Variants in CAPN1 observed in about 807,000 individuals in gnomAD.
CAPN1 encodes calpain-1 catalytic subunit.
CAPN1 carries 77 observed loss-of-function variants against 105.2 expected under a neutral mutation model. The ratio of observed to expected loss-of-function variants is 0.73; its 90% CI spans 0.61 to 0.88. The LOEUF is 0.88. Ranked by LOEUF, CAPN1 falls within the 40% of genes least tolerant of loss-of-function variation. The pLI, the probability that CAPN1 is intolerant of heterozygous loss-of-function variation, is 0.00. For synonymous variants in CAPN1, 355 were observed against 388.8 expected (o/e 0.91, Z 1.02); for missense variants, 833 against 976.6 (o/e 0.85, Z 1.96).
chr11:65,208,130 G>A lies in CAPN1; in HGVS notation c.1671+10G>A. 1 of 1,606,266 alleles carries A rather than the reference G, an allele frequency of 6.2e-7. No homozygotes were observed. Reference sequence around the variant, plus strand: ...GCAGCTGGCAGGGGAGGTAGGTTGGGGCATGGCAGGTTGGGAGGGGCCTGT... The same window carrying A: ...GCAGCTGGCAGGGGAGGTAGGTTGGAGCATGGCAGGTTGGGAGGGGCCTGT... On this transcript the variant is annotated intron_variant, in intron 15 of 21. Transcript: ENST00000279247. This position sits in a 1 kb window ranked among gnomAD's most constrained non-coding sequence, Gnocchi z 4.1.
chr11:65,186,935 C>T (rs866893272), intron 6 of CAPN1, among the ~76,000 whole-genome samples: 1 of 152,192 alleles, frequency 6.6e-6, no homozygotes, highest in South Asian at 2.1e-4. Flanking sequence ...CATGCATGTT[C>T]GCACAGGTTC....
At chr11:65,195,362 G>A (rs1948779463) in intron 10 of CAPN1, among the ~76,000 whole-genome samples, 2 of 152,076 alleles carry the variant, frequency 1.3e-5, no homozygotes, top group Admixed American at 6.6e-5. Context: ...TCCTGACCTC[G>A]TGATCTGCCC....
At chr11:65,197,471 T>A (rs1407916104) in intron 10 of CAPN1, among the ~76,000 whole-genome samples, 1 of 152,106 alleles carries the variant, frequency 6.6e-6, no homozygotes, top group Non-Finnish European at 1.5e-5. Flanking sequence ...AATTCAGGGT[T>A]TTTTTTTGTT....
chr11:65,181,887 G>T (rs1290951523), upstream of CAPN1: 1 of 167,428 alleles, frequency 6.0e-6, no homozygotes, highest in Non-Finnish European at 1.3e-5. This position sits in a 1 kb window ranked among gnomAD's most constrained non-coding sequence, Gnocchi z 4.6. Context: ...GAGAGGGAGG[G>T]CGGAGGGCGG....
rs568249496 is a variant in CAPN1, at chr11:65,211,726, C to T, written c.*440C>T. ...AGGCGTGTGGAGCCGCCTCCCGGCT[C>T]GGGGAGGCCCCGGGGCTGGGAACGC... On this transcript the variant is annotated 3_prime_UTR_variant, in exon 22 of 22. Coordinates refer to ENST00000279247, the MANE Select transcript of CAPN1 (RefSeq NM_005186.4). 25 of 172,822 alleles carry T rather than the reference C, an allele frequency of 1.4e-4. No homozygotes were observed. In the South Asian group the frequency reaches 2.8e-3, roughly 19 times the overall value. 10.7% of individuals were successfully genotyped at this position (172,822 alleles called of 1,614,324 possible).
Position 65,211,644 on chromosome 11 carries a change from C to CT in CAPN1, c.*359dup. On this transcript the variant is annotated 3_prime_UTR_variant, in exon 22 of 22. Transcript: ENST00000279247. ...AGGCCACCCACTCAGCACCACCGGC[C>CT]TGGCCTTGCCTGCAGACTATAAACT... 2.5e-6 allele frequency: 1 copy of CT among 393,348 alleles called. No homozygotes were observed. The highest frequency in any genetic ancestry group is 4.8e-6 in the Non-Finnish European group (1 of 209,448). 24.4% of individuals were successfully genotyped at this position (393,348 alleles called of 1,614,324 possible). A position where few individuals can be genotyped will look rare whatever the true frequency, so the allele number is the denominator to read the frequency against.
At chr11:65,203,198 C>CTCTT (rs111923742) in intron 10 of CAPN1, among the ~76,000 whole-genome samples, 110,184 of 149,844 alleles carry the variant, frequency 0.74, 40,928 homozygotes, top group Middle Eastern at 0.86. Flanking sequence ...AACATTCTCT[C>CTCTT]TTTTTTTTTT....
Position 65,211,245 on chromosome 11 carries a change from C to G in CAPN1, c.2119-15C>G, listed in dbSNP as rs201171346. 6,474 of 1,612,542 alleles carry G rather than the reference C, an allele frequency of 4.0e-3. 16 individuals are homozygous for G. The highest frequency in any genetic ancestry group is 5.2e-3 in the Non-Finnish European group (6,126 of 1,179,690). On this transcript the variant is annotated splice_polypyrimidine_tract_variant and intron_variant, in intron 21 of 21. Transcript: ENST00000279247. The stretch of plus-strand genomic sequence containing the variant: ...CATTTCTGCGGCCCCAGCTGACCTG[C>G]CTGTTCTCCCGCAGTGGTTGCAGCT...
At position 65,188,806 on chromosome 11, in the gene CAPN1, G is replaced by A. The variant is rs867869515; in HGVS notation, c.1165+60G>A. The A allele has an allele frequency of 5.0e-6, 7 of 1,399,578 alleles. No individual in the cohort carries two copies. Among genetic ancestry groups the A allele is most frequent in the African/African-American group, 1.4e-5 (1 of 70,154 alleles). The allele number at this position is 1,399,578 out of a possible 1,614,324, so 86.7% of individuals were successfully genotyped here. On this transcript the variant is annotated intron_variant, in intron 10 of 21. Transcript: ENST00000279247. This position sits in a 1 kb window ranked among gnomAD's most constrained non-coding sequence, Gnocchi z 5.5. ...CTGGCTTAGGGGCTCCAGAAGGCAC[G>A]TCATCTTACTGAGCCTCCGTTTCCT...
At chr11:65,195,665 A>G (rs758839484) in intron 10 of CAPN1, among the ~76,000 whole-genome samples, 4 of 151,960 alleles carry the variant, frequency 2.6e-5, no homozygotes, top group Non-Finnish European at 5.9e-5. Flanking sequence ...GGATTTTTGC[A>G]TCTATATTCA....
Position 65,204,815 on chromosome 11 carries a change from G to C in CAPN1, c.1298G>C (p.Arg433Pro), listed in dbSNP as rs10895991. ...LMQKHRRRERRFGRDMETIGF... is the reference protein window; with the variant it reads ...LMQKHRRRERPFGRDMETIGF... ...CAGAAGCACCGTCGCCGCGAGCGCC[G>C]CTTCGGCCGCGACATGGAGACTATT... Residue 433 changes from arginine (R) to proline (P), a missense_variant, in exon 11 of 22, where the codon CGC becomes CCC. Arg to Pro is a moderately radical substitution (Grantham distance 103). Coordinates refer to ENST00000279247, the MANE Select transcript of CAPN1 (RefSeq NM_005186.4). 0.077 allele frequency: 124,607 copies of C among 1,612,110 alleles called. 5,520 individuals are homozygous for C. The highest frequency in any genetic ancestry group is 0.16 in the East Asian group (7,208 of 44,834).
intron 4 of CAPN1, 167 bp from the exon 5 acceptor site, chr11:65,185,750 C>A: frequency 4.7e-6 from 3 of 641,666 alleles, no homozygotes; most frequent in Non-Finnish European, 7.8e-6. Context: ...ATCTGGTATA[C>A]CTGACCTAGT....
intron 10 of CAPN1, among the ~76,000 whole-genome samples, chr11:65,197,469 G>T (rs1446952262): frequency 1.3e-5 from 2 of 150,826 alleles, no homozygotes; most frequent in African/African-American, 4.9e-5. Flanking sequence ...CTAATTCAGG[G>T]TTTTTTTTTG....
Position 65,209,466 on chromosome 11 carries a change from G to A in CAPN1, c.1794+79G>A. 2 of 1,237,196 alleles carry A rather than the reference G, an allele frequency of 1.6e-6. No individual in the cohort carries two copies. The highest frequency in any genetic ancestry group is 2.3e-6 in the Non-Finnish European group (2 of 852,176). 76.6% of individuals were successfully genotyped at this position (1,237,196 alleles called of 1,614,324 possible). On this transcript the variant is annotated intron_variant, in intron 17 of 21. Coordinates refer to ENST00000279247, the MANE Select transcript of CAPN1 (RefSeq NM_005186.4). This position sits in a 1 kb window ranked among gnomAD's most constrained non-coding sequence, Gnocchi z 4.1. ...GTGCTGGGAGAACTGTCCCAGGACA[G>A]CACAGAGAACAGGACAGAGCCATGC...
chr11:65,185,911 C>T lies in CAPN1; in HGVS notation c.457-6C>T, dbSNP rs17880525. The T allele has an allele frequency of 1.3e-5, 21 of 1,576,504 alleles. No homozygotes were observed. In the Admixed American group the frequency reaches 3.9e-4, roughly 29 times the overall value. ...AGCAGGTACTCACCGTGCCCCTCCCCCACAGCTGTGGCAATTTGGGGAGTG... is the reference window on the plus strand; with the variant it reads ...AGCAGGTACTCACCGTGCCCCTCCCTCACAGCTGTGGCAATTTGGGGAGTG... On this transcript the variant is annotated splice_polypyrimidine_tract_variant and splice_region_variant and intron_variant, in intron 4 of 21. Coordinates refer to ENST00000279247, the MANE Select transcript of CAPN1 (RefSeq NM_005186.4).
In CAPN1 at chr11:65,210,292, C is replaced by T; in HGVS notation, c.1943-44C>T. The stretch of plus-strand genomic sequence containing the variant: ...CCAACCCCTCCCCCATCCTGTTGGG[C>T]AGGGGCTGCGCCTCACTGACCTTCA... On this transcript the variant is annotated intron_variant, in intron 19 of 21. Transcript: ENST00000279247. This position sits in a 1 kb window ranked among gnomAD's most constrained non-coding sequence, Gnocchi z 4.3. The T allele has an allele frequency of 7.1e-7, 1 of 1,403,006 alleles. No individual in the cohort carries two copies. Among genetic ancestry groups the T allele is most frequent in the East Asian group, 2.3e-5 (1 of 42,978 alleles). The allele number at this position is 1,403,006 out of a possible 1,614,324, so 86.9% of individuals were successfully genotyped here.
In CAPN1 at chr11:65,188,558, T is replaced by C. The variant is rs1207626473; in HGVS notation, c.1005-28T>C. ...ATCAGCTCTGTGCCCTGACGGGCTG[T>C]GCCTCACCTGTGTACCTCCCACCTC... is the stretch of plus-strand genomic sequence containing the variant. On this transcript the variant is annotated intron_variant, in intron 9 of 21. Transcript: ENST00000279247. The surrounding 1 kb of genome is among the most constrained non-coding windows in gnomAD (Gnocchi z 5.5). 6.2e-7 allele frequency: 1 copy of C among 1,613,874 alleles called. No homozygotes were observed. Among genetic ancestry groups the C allele is most frequent in the East Asian group, 2.2e-5 (1 of 44,880 alleles).
chr11:65,183,917 C>T (rs1430583409), intron 4 of CAPN1, among the ~76,000 whole-genome samples: 1 of 152,144 alleles, frequency 6.6e-6, no homozygotes, highest in Non-Finnish European at 1.5e-5. Context: ...AAGGAGTGTT[C>T]GCTGGGGAAA....
At position 65,184,125 on chromosome 11, in the gene CAPN1, G is replaced by A. The variant is rs17145206; in HGVS notation, c.456+533G>A. Among the ~76,000 whole-genome samples the A allele has an allele frequency of 6.9e-3, 1,048 of 152,294 alleles. 12 individuals are homozygous for A. The highest frequency in any genetic ancestry group is 0.024 in the African/African-American group (988 of 41,554). ...ATCAATTCTCAATGAGCTGCCTTTG[G>A]GAGGGACATGCCCAGCAACCCTGGA... On this transcript the variant is annotated intron_variant, in intron 4 of 21. Coordinates refer to ENST00000279247, the MANE Select transcript of CAPN1 (RefSeq NM_005186.4).
Sources: allele counts gnomAD v4.1 joint callset (sites outside exome capture counted in the v4.1 genomes callset), GRCh38; gene constraint gnomAD v4.1.1; non-coding constraint Gnocchi (gnomAD v3.1); transcripts MANE v1.5; gene names NCBI Gene and HGNC (gene_info 2026-07-23, HGNC 2026-07-21).